Variants in BORCS5 observed in about 807,000 individuals in gnomAD.
BORCS5 encodes BLOC-1 related complex subunit 5.
BORCS5 carries 17 observed loss-of-function variants against 22.1 expected under a neutral mutation model. The observed-to-expected ratio is 0.77, with a 90% CI of 0.53 to 1.15. BORCS5 has a LOEUF of 1.15. Among genes scored for constraint, BORCS5 ranks in the 50% most tolerant of loss-of-function variants. BORCS5 has a pLI of 0.00. For missense variants in BORCS5, 247 were observed against 253.2 expected (o/e 0.98, Z 0.17); for synonymous variants, 117 against 99.8 (o/e 1.17, Z -1.03).
At chr12:12,383,177 G>A (rs142980066) in intron 2 of BORCS5, among the ~76,000 whole-genome samples, 1 of 151,122 alleles carries the variant, frequency 6.6e-6, no homozygotes, top group East Asian at 1.9e-4. Context: ...CTTAGCAGTT[G>A]CTGTAGGGAT....
In BORCS5 at chr12:12,373,237, C is replaced by T. The variant is rs186260942; in HGVS notation, c.202+11888C>T. On this transcript the variant is annotated intron_variant, in intron 2 of 3. Transcript: ENST00000314565. ...AGGAAGAGTGCCCTCACCAAATATC[C>T]AATGTGCTAGCACCTAAATCTTGTA... Among the ~76,000 whole-genome samples the T allele has an allele frequency of 3.6e-3, 554 of 152,294 alleles. 3 individuals are homozygous for T. The highest frequency in any genetic ancestry group is 0.012 in the African/African-American group (478 of 41,562).
intron 2 of BORCS5, among the ~76,000 whole-genome samples, chr12:12,375,764 A>G (rs1375512366): frequency 6.6e-5 from 10 of 152,192 alleles, no homozygotes; most frequent in East Asian, 1.9e-4. Context: ...GCTTCTACCA[A>G]CTGGTGAAAA....
rs760741376 is a variant in BORCS5, at chr12:12,357,526, C to T, written c.58+17C>T. The T allele has an allele frequency of 1.1e-5, 18 of 1,601,286 alleles. No individual in the cohort carries two copies. Among genetic ancestry groups the T allele is most frequent in the Non-Finnish European group, 1.5e-5 (18 of 1,169,978 alleles). On this transcript the variant is annotated intron_variant, in intron 1 of 3. Transcript: ENST00000314565. ...ACTCCTCAGGTCGGTGTCCTAACCTCCCACCCTCCTCCAGCCCGCCCTGTC... is the reference window on the plus strand; with the variant it reads ...ACTCCTCAGGTCGGTGTCCTAACCTTCCACCCTCCTCCAGCCCGCCCTGTC...
intron 2 of BORCS5, among the ~76,000 whole-genome samples, chr12:12,415,872 A>G (rs1204631507): frequency 6.6e-6 from 1 of 152,128 alleles, no homozygotes; most frequent in Non-Finnish European, 1.5e-5. Context: ...TCTCTGCTTC[A>G]ATTTTTTGGG....
chr12:12,372,967 C>CT (rs907900060), intron 2 of BORCS5, among the ~76,000 whole-genome samples: 1 of 152,106 alleles, frequency 6.6e-6, no homozygotes, highest in Admixed American at 6.5e-5. Context: ...GGCTGCTGGG[C>CT]TTTTTTTGAT....
At chr12:12,395,355 G>A (rs1476108891) in intron 2 of BORCS5, among the ~76,000 whole-genome samples, 3 of 151,238 alleles carry the variant, frequency 2.0e-5, no homozygotes, top group Non-Finnish European at 2.9e-5. Flanking sequence ...TGCAGCCTCC[G>A]CTTCCCAGGT....
intron 2 of BORCS5, among the ~76,000 whole-genome samples, chr12:12,364,462 G>T (rs1201517908): frequency 2.0e-5 from 3 of 152,174 alleles, no homozygotes; most frequent in Non-Finnish European, 2.9e-5. Context: ...TTGTCTTCAC[G>T]TTGAGTAGGC....
chr12:12,391,629 G>C (rs1941187887), intron 2 of BORCS5, among the ~76,000 whole-genome samples: 1 of 150,606 alleles, frequency 6.6e-6, no homozygotes, highest in East Asian at 2.0e-4. Context: ...CTCAAATGAT[G>C]CGCCCGCCTT....
chr12:12,430,791 T>A (rs1565906904), intron 2 of BORCS5, among the ~76,000 whole-genome samples: 1 of 152,208 alleles, frequency 6.6e-6, no homozygotes, highest in Non-Finnish European at 1.5e-5. Flanking sequence ...ATACTCTTGT[T>A]TACTTGCACC....
chr12:12,401,786 C>T (rs1042033802), intron 2 of BORCS5, among the ~76,000 whole-genome samples: 20 of 151,964 alleles, frequency 1.3e-4, no homozygotes, highest in Admixed American at 2.6e-4. Flanking sequence ...AGGCCAGGAG[C>T]GGTGGTTCAC....
In BORCS5 at chr12:12,412,911, T is replaced by C. The variant is rs558426917; in HGVS notation, c.203-22717T>C. 2.0e-3 allele frequency among the ~76,000 whole-genome samples: 283 copies of C among 142,646 alleles called. 2 individuals carry two copies. The highest frequency in any genetic ancestry group is 6.9e-3 in the African/African-American group (273 of 39,426). The allele number at this position is 142,646 out of a possible 152,430, so 93.6% of individuals were successfully genotyped here. On this transcript the variant is annotated intron_variant, in intron 2 of 3. Transcript: ENST00000314565. ...GATTTTGTGGTTTTCTTTTTTTTTT[T>C]TTTTTTTTTTTTTTATTGATAATTC...
At chr12:12,383,209 CAG>C (rs761309681) in intron 2 of BORCS5, among the ~76,000 whole-genome samples, 1 of 151,260 alleles carries the variant, frequency 6.6e-6, no homozygotes. Flanking sequence ...TGTTAATTAT[CAG>C]AGTCTACTTC....
At chr12:12,419,872 GC>G (rs1839943949) in intron 2 of BORCS5, among the ~76,000 whole-genome samples, 1 of 152,066 alleles carries the variant, frequency 6.6e-6, no homozygotes, top group Admixed American at 6.6e-5. Flanking sequence ...CATATCTTTT[GC>G]CCACTTGTTG....
intron 2 of BORCS5, among the ~76,000 whole-genome samples, chr12:12,392,947 G>A (rs937077707): frequency 3.3e-5 from 5 of 151,974 alleles, no homozygotes; most frequent in South Asian, 2.1e-4. Flanking sequence ...AAAAAAGGTC[G>A]GCCAGGTGTG....
intron 2 of BORCS5, among the ~76,000 whole-genome samples, chr12:12,417,262 T>A (rs528795486): frequency 6.2e-4 from 94 of 152,332 alleles, no homozygotes; most frequent in African/African-American, 2.2e-3. Flanking sequence ...CCACAAATTG[T>A]GGATTTTCCA....
intron 2 of BORCS5, among the ~76,000 whole-genome samples, chr12:12,378,751 A>C (rs1331343347): frequency 6.6e-6 from 1 of 151,182 alleles, no homozygotes; most frequent in Non-Finnish European, 1.5e-5. Flanking sequence ...CCTGGTTTTG[A>C]TCATTGTATT....
intron 3 of BORCS5, among the ~76,000 whole-genome samples, chr12:12,457,962 G>A (rs1395404610): frequency 1.3e-5 from 2 of 152,322 alleles, no homozygotes; most frequent in East Asian, 3.9e-4. Flanking sequence ...AGAGACAAAG[G>A]ATAGGATTCG....
intron 1 of BORCS5, among the ~76,000 whole-genome samples, chr12:12,360,124 G>A (rs1035495837): frequency 1.3e-5 from 2 of 152,148 alleles, no homozygotes; most frequent in African/African-American, 4.8e-5. Context: ...AGCACTTTGG[G>A]AGGCCGAGGT....
rs550028846 is a variant in BORCS5, at chr12:12,369,057, T to C, written c.202+7708T>C. Among the ~76,000 whole-genome samples, 20 of 152,266 alleles carry C rather than the reference T, an allele frequency of 1.3e-4. 1 individual carries two copies. The South Asian group carries it at 4.1e-3, about 32-fold the overall frequency. On this transcript the variant is annotated intron_variant, in intron 2 of 3. Coordinates refer to ENST00000314565, the MANE Select transcript of BORCS5 (RefSeq NM_058169.6). ...GAGGTATTCAAATATCCAGCTATTT[T>C]TGTTAATTTGTCTATTCTGGTTATT...
Sources: allele counts gnomAD v4.1 joint callset (sites outside exome capture counted in the v4.1 genomes callset), GRCh38; gene constraint gnomAD v4.1.1; transcripts MANE v1.5; gene names NCBI Gene and HGNC (gene_info 2026-07-23, HGNC 2026-07-21).